The following EYS variants were observed in gnomAD, a reference collection of about 807,000 sequenced individuals.
EYS encodes the protein protein eyes shut homolog.
EYS carries 250 observed loss-of-function variants against 282.1 expected under a neutral mutation model. The observed-to-expected ratio is 0.89, with a 90% confidence interval of 0.80 to 0.98. EYS has a LOEUF of 0.98. Among genes scored for constraint, EYS ranks in the 50% least tolerant of loss-of-function variants. The pLI, the probability that EYS is intolerant of heterozygous loss-of-function variation, is 0.00. For synonymous variants in EYS, 1,355 were observed against 1,282.9 expected (o/e 1.06, Z -1.20); for missense variants, 4,016 against 3,709.0 (o/e 1.08, Z -2.15).
chr6:65,064,840 T>C (rs537766817), intron 12 of EYS, among the ~76,000 whole-genome samples: 17 of 152,088 alleles, frequency 1.1e-4, no homozygotes, highest in Non-Finnish European at 1.8e-4. Flanking sequence ...ATTGGAAAAA[T>C]TGTATATGCA....
intron 30 of EYS, among the ~76,000 whole-genome samples, chr6:64,244,439 T>G (rs1283856809): frequency 4.6e-5 from 7 of 152,204 alleles, no homozygotes; most frequent in Non-Finnish European, 1.0e-4. Context: ...AGAAGTTCCC[T>G]TTGTCTTTGT....
intron 29 of EYS, among the ~76,000 whole-genome samples, chr6:64,344,092 G>A (rs751125224): frequency 6.6e-6 from 1 of 152,076 alleles, no homozygotes; most frequent in Non-Finnish European, 1.5e-5. Context: ...AAAAGTCCAG[G>A]ACAAGATGGA....
intron 13 of EYS, among the ~76,000 whole-genome samples, chr6:65,042,600 A>C (rs1583427617): frequency 6.6e-6 from 1 of 151,582 alleles, no homozygotes; most frequent in East Asian, 1.9e-4. Flanking sequence ...AGTATGGTTC[A>C]ATTTATCACA....
intron 22 of EYS, among the ~76,000 whole-genome samples, chr6:64,804,691 G>C (rs1764369628): frequency 6.6e-6 from 1 of 151,916 alleles, no homozygotes; most frequent in Non-Finnish European, 1.5e-5. Context: ...GTTTGATAAA[G>C]GTGTTTTAAA....
intron 12 of EYS, among the ~76,000 whole-genome samples, chr6:65,223,259 C>T (rs1766521077): frequency 6.6e-6 from 1 of 152,026 alleles, no homozygotes; most frequent in African/African-American, 2.4e-5. Context: ...CCCAACTACT[C>T]AGGAGGCTTA....
chr6:65,623,277 G>C (rs1766586317), intron 2 of EYS, among the ~76,000 whole-genome samples: 1 of 152,076 alleles, frequency 6.6e-6, no homozygotes, highest in African/African-American at 2.4e-5. Flanking sequence ...GGACAGCGAA[G>C]TCATCATCCA....
chr6:64,062,360 C>G (rs774484547), intron 33 of EYS, among the ~76,000 whole-genome samples: 2 of 152,168 alleles, frequency 1.3e-5, no homozygotes, highest in Non-Finnish European at 2.9e-5. Context: ...AATCTTCTCT[C>G]ATGTACATTG....
intron 18 of EYS, among the ~76,000 whole-genome samples, chr6:64,889,558 G>T (rs2150064940): frequency 6.6e-6 from 1 of 152,060 alleles, no homozygotes; most frequent in East Asian, 1.9e-4. Flanking sequence ...AGAAGAACGT[G>T]GATTGTGAAG....
At chr6:64,786,186 ACATT>A (rs1562191010) in intron 22 of EYS, among the ~76,000 whole-genome samples, 6 of 50,190 alleles carry the variant, frequency 1.2e-4, no homozygotes, top group Non-Finnish European at 2.7e-4. Context: ...TACTGGTTCT[ACATT>A]TTTTTTTTTT....
At chr6:63,919,755 TC>T (rs1227731327) in intron 35 of EYS, among the ~76,000 whole-genome samples, 6 of 152,222 alleles carry the variant, frequency 3.9e-5, no homozygotes, top group African/African-American at 1.4e-4. Flanking sequence ...GCTACACACG[TC>T]CACTCTGTTT....
At chr6:63,816,028 C>A (rs1467854303) in intron 36 of EYS, among the ~76,000 whole-genome samples, 1 of 152,118 alleles carries the variant, frequency 6.6e-6, no homozygotes, top group East Asian at 1.9e-4. Flanking sequence ...TAGAAGAAGG[C>A]AGTGGCATCT....
At chr6:64,992,402 T>C (rs1053180493) in intron 14 of EYS, among the ~76,000 whole-genome samples, 1 of 151,864 alleles carries the variant, frequency 6.6e-6, no homozygotes, top group South Asian at 2.1e-4. Flanking sequence ...TTACAAGTTG[T>C]TTAATCTAAT....
intron 29 of EYS, among the ~76,000 whole-genome samples, chr6:64,307,386 G>T (rs977624878): frequency 6.6e-6 from 1 of 152,142 alleles, no homozygotes; most frequent in African/African-American, 2.4e-5. Flanking sequence ...AGGAAATCCT[G>T]CCATTTGTTA....
intron 35 of EYS, among the ~76,000 whole-genome samples, chr6:63,877,425 T>C (rs1186045726): frequency 6.6e-6 from 1 of 152,210 alleles, no homozygotes; most frequent in African/African-American, 2.4e-5. Context: ...ATTTCAACTT[T>C]GGTGAATCTG....
intron 1 of EYS, among the ~76,000 whole-genome samples, chr6:65,698,312 G>A (rs1676528637): frequency 6.6e-6 from 1 of 152,072 alleles, no homozygotes; most frequent in South Asian, 2.1e-4. Context: ...GAGAGTTAAT[G>A]AAGTTTTTGT....
chr6:64,259,766 T>G (rs1414535710), intron 30 of EYS, among the ~76,000 whole-genome samples: 1 of 148,958 alleles, frequency 6.7e-6, no homozygotes, highest in African/African-American at 2.5e-5. Context: ...GGTTTTCTTG[T>G]ATATCTCTGG....
At chr6:63,854,256 A>C (rs1034541348) in intron 36 of EYS, among the ~76,000 whole-genome samples, 1 of 152,200 alleles carries the variant, frequency 6.6e-6, no homozygotes, top group Non-Finnish European at 1.5e-5. Flanking sequence ...CATATATACC[A>C]TGGAATACTA....
chr6:64,250,705 C>G (rs1233048607), intron 30 of EYS, among the ~76,000 whole-genome samples: 3 of 152,024 alleles, frequency 2.0e-5, no homozygotes, highest in East Asian at 1.9e-4. Context: ...AAGTATGCAC[C>G]TAAAAAACTA....
At chr6:65,212,653 T>C (rs996667825) in intron 12 of EYS, among the ~76,000 whole-genome samples, 1 of 152,248 alleles carries the variant, frequency 6.6e-6, no homozygotes, top group South Asian at 2.1e-4. Context: ...ATAGAACACA[T>C]TGATTACTAC....
Sources: gnomAD v4.1 joint callset for allele counts (sites outside exome capture counted in the v4.1 genomes callset) on GRCh38, gnomAD v4.1.1 for gene constraint, MANE v1.5 for transcripts, NCBI Gene and HGNC (gene_info 2026-07-23, HGNC 2026-07-21) for gene names.